Variants in PLCB1 observed in about 807,000 individuals in gnomAD.
PLCB1 encodes phospholipase C beta 1, also known as 1-phosphatidylinositol 4,5-bisphosphate phosphodiesterase beta-1.
Under a neutral mutation model 161.8 loss-of-function variants are expected in PLCB1, and 46 were observed. The observed-to-expected ratio is 0.28, with a 90% CI of 0.22 to 0.36. The LOEUF (loss-of-function observed/expected upper bound fraction) is 0.36, where lower values mean the gene tolerates loss of function less well. Ranked by LOEUF, PLCB1 falls within the 10% of genes least tolerant of loss-of-function variation. The pLI is 1.00. For missense variants in PLCB1, 1,016 were observed against 1,472.5 expected (o/e 0.69, Z 5.07); for synonymous variants, 517 against 503.7 (o/e 1.03, Z -0.35).
At chr20:8,853,605 T>C (rs1006790671) in intron 31 of PLCB1, among the ~76,000 whole-genome samples, 1 of 152,180 alleles carries the variant, frequency 6.6e-6, no homozygotes, top group African/African-American at 2.4e-5. Context: ...GACATTTAGG[T>C]TGTTTCCAGC....
intron 2 of PLCB1, among the ~76,000 whole-genome samples, chr20:8,303,575 A>C (rs1984001599): frequency 6.6e-6 from 1 of 152,184 alleles, no homozygotes; most frequent in African/African-American, 2.4e-5. Flanking sequence ...AGCACAATAT[A>C]AAGAGGGTAA....
chr20:8,317,255 G>T (rs1984700400), intron 2 of PLCB1, among the ~76,000 whole-genome samples: 1 of 152,146 alleles, frequency 6.6e-6, no homozygotes, highest in African/African-American at 2.4e-5. Flanking sequence ...TCTCACACTT[G>T]AGGGTACATC....
intron 20 of PLCB1, 57 bp downstream of exon 20, chr20:8,737,249 G>A (rs1329773029): frequency 1.5e-6 from 2 of 1,301,806 alleles, no homozygotes; most frequent in Non-Finnish European, 2.2e-6. Flanking sequence ...GTTTTACACT[G>A]AGAAAATAAT....
At chr20:8,788,189 A>G (rs1267450432) in intron 27 of PLCB1, among the ~76,000 whole-genome samples, 1 of 152,208 alleles carries the variant, frequency 6.6e-6, no homozygotes, top group African/African-American at 2.4e-5. Flanking sequence ...CTGGGCTATA[A>G]TAACTGCCAC....
At chr20:8,321,514 C>T (rs1392943386) in intron 2 of PLCB1, among the ~76,000 whole-genome samples, 1 of 152,082 alleles carries the variant, frequency 6.6e-6, no homozygotes, top group African/African-American at 2.4e-5. Context: ...CCTTTGAAGA[C>T]ATTGGGGGAG....
intron 26 of PLCB1, among the ~76,000 whole-genome samples, chr20:8,769,358 A>G (rs989603985): frequency 2.0e-5 from 3 of 151,652 alleles, no homozygotes; most frequent in Non-Finnish European, 4.4e-5. Context: ...AAGCAAAAGT[A>G]TCCCTTAGTT....
At chr20:8,563,778 C>A (rs568196295) in intron 3 of PLCB1, among the ~76,000 whole-genome samples, 2 of 152,136 alleles carry the variant, frequency 1.3e-5, no homozygotes, top group East Asian at 1.9e-4. Context: ...CCTAGGAATA[C>A]AACTTACAAG....
chr20:8,402,671 A>G (rs1193506897), intron 3 of PLCB1, among the ~76,000 whole-genome samples: 2 of 140,262 alleles, frequency 1.4e-5, no homozygotes, highest in East Asian at 3.9e-4. Flanking sequence ...CGTCCCTACT[A>G]AAAATACAAA....
At chr20:8,705,087 C>T (rs1978595444) in intron 11 of PLCB1, among the ~76,000 whole-genome samples, 1 of 145,102 alleles carries the variant, frequency 6.9e-6, no homozygotes, top group Non-Finnish European at 1.5e-5. Context: ...AAATGTTAAT[C>T]TCATCCAGAA....
intron 2 of PLCB1, among the ~76,000 whole-genome samples, chr20:8,294,566 A>G (rs1371038419): frequency 6.6e-6 from 1 of 151,476 alleles, no homozygotes; most frequent in East Asian, 2.0e-4. Flanking sequence ...CTACATGTCT[A>G]TATGTATATG....
At chr20:8,704,429 G>A (rs1978549454) in intron 11 of PLCB1, among the ~76,000 whole-genome samples, 2 of 151,926 alleles carry the variant, frequency 1.3e-5, no homozygotes, top group Admixed American at 6.5e-5. Context: ...CAGGACTTTT[G>A]TAATGTTTAT....
intron 12 of PLCB1, among the ~76,000 whole-genome samples, chr20:8,712,140 C>G (rs1270745987): frequency 6.6e-6 from 1 of 152,000 alleles, no homozygotes; most frequent in Non-Finnish European, 1.5e-5. Flanking sequence ...GTCTCTACTA[C>G]AAATACAAAA....
intron 2 of PLCB1, among the ~76,000 whole-genome samples, chr20:8,206,783 GA>G (rs941340372): frequency 2.1e-5 from 3 of 143,598 alleles, no homozygotes; most frequent in Non-Finnish European, 3.1e-5. Context: ...AAAGTCAGCA[GA>G]AAAAAAAAAG....
chr20:8,848,339 C>T (rs922748497), intron 31 of PLCB1, among the ~76,000 whole-genome samples: 7 of 152,136 alleles, frequency 4.6e-5, no homozygotes, highest in African/African-American at 1.7e-4. Context: ...TTTTATAACT[C>T]AATCTTTAGC....
intron 10 of PLCB1, among the ~76,000 whole-genome samples, chr20:8,695,995 T>C (rs907144568): frequency 1.4e-4 from 21 of 152,182 alleles, no homozygotes; most frequent in African/African-American, 5.1e-4. Flanking sequence ...GTTAGTTCTA[T>C]TCACAGAAGT....
intron 3 of PLCB1, among the ~76,000 whole-genome samples, chr20:8,600,139 G>C (rs1161303865): frequency 7.5e-6 from 1 of 133,884 alleles, no homozygotes; most frequent in Non-Finnish European, 1.6e-5. Context: ...TCCGTTGCTG[G>C]TGAGGAACTG....
intron 3 of PLCB1, among the ~76,000 whole-genome samples, chr20:8,392,127 A>C (rs974886059): frequency 6.6e-6 from 1 of 152,026 alleles, no homozygotes; most frequent in South Asian, 2.1e-4. Context: ...CCGATGCAAT[A>C]GTATTTAAAG....
At chr20:8,701,366 A>G (rs760223773) in intron 11 of PLCB1, among the ~76,000 whole-genome samples, 3 of 152,100 alleles carry the variant, frequency 2.0e-5, no homozygotes, top group Admixed American at 6.5e-5. Context: ...TCTGCCTGGA[A>G]TGGTATTCTC....
At chr20:8,343,905 C>T (rs1985901890) in intron 2 of PLCB1, among the ~76,000 whole-genome samples, 1 of 152,186 alleles carries the variant, frequency 6.6e-6, no homozygotes, top group South Asian at 2.1e-4. Context: ...ACAAAGCCAT[C>T]ATGCTTTGTA....
Sources: allele counts gnomAD v4.1 joint callset (sites outside exome capture counted in the v4.1 genomes callset), GRCh38; gene constraint gnomAD v4.1.1; transcripts MANE v1.5; gene names NCBI Gene and HGNC (gene_info 2026-07-23, HGNC 2026-07-21).